The following RERE variants were observed in gnomAD, a reference collection of about 807,000 sequenced individuals.
RERE encodes the protein arginine-glutamic acid dipeptide repeats protein.
Under a neutral mutation model 146.1 loss-of-function variants are expected in RERE, and 40 were observed. That is an observed-to-expected ratio of 0.27 (90% CI 0.21 to 0.36). The LOEUF is 0.36. Among genes scored for constraint, RERE ranks in the 10% least tolerant of loss-of-function variants. The pLI is 1.00. For synonymous variants in RERE, 1,003 were observed against 866.0 expected (o/e 1.16, Z -2.78); for missense variants, 1,933 against 2,138.7 (o/e 0.90, Z 1.90).
At chr1:8,726,470 C>G (rs1397169651) in intron 1 of RERE, among the ~76,000 whole-genome samples, 1 of 151,966 alleles carries the variant, frequency 6.6e-6, no homozygotes, top group Non-Finnish European at 1.5e-5. Flanking sequence ...TCCAGTTTTT[C>G]TAAGACAGTA....
At chr1:8,515,087 A>G (rs1313798364) in intron 7 of RERE, among the ~76,000 whole-genome samples, 1 of 152,238 alleles carries the variant, frequency 6.6e-6, no homozygotes, top group African/African-American at 2.4e-5. Context: ...AAAGCAACAC[A>G]GCACTACACG....
At chr1:8,512,179 G>A (rs1056122753) in intron 7 of RERE, among the ~76,000 whole-genome samples, 53 of 148,748 alleles carry the variant, frequency 3.6e-4, no homozygotes, top group Non-Finnish European at 5.8e-4. Context: ...GACTACAGGC[G>A]CCCGCCACCG....
intron 1 of RERE, among the ~76,000 whole-genome samples, chr1:8,791,840 T>C (rs765413413): frequency 3.3e-5 from 5 of 152,124 alleles, no homozygotes; most frequent in Non-Finnish European, 5.9e-5. Flanking sequence ...AAGTAGAAAA[T>C]ACTAAGAAAA....
At chr1:8,798,577 C>T in intron 1 of RERE, 1 of 219,152 alleles carries the variant, frequency 4.6e-6, no homozygotes, top group Admixed American at 4.1e-5. Flanking sequence ...CTGATGATGG[C>T]ACCTCAGATC....
intron 8 of RERE, among the ~76,000 whole-genome samples, chr1:8,507,590 G>C (rs897080915): frequency 4.0e-5 from 6 of 151,822 alleles, no homozygotes; most frequent in African/African-American, 1.5e-4. Context: ...TCTATTTTTA[G>C]TAGGGATGGA....
chr1:8,753,368 C>T (rs1365437052), intron 1 of RERE: 1 of 151,994 alleles, frequency 6.6e-6, no homozygotes, highest in East Asian at 1.9e-4. Context: ...TTTAAGTTAA[C>T]GTTATTTTAC....
intron 4 of RERE, among the ~76,000 whole-genome samples, chr1:8,613,921 C>T (rs1233146082): frequency 1.3e-5 from 2 of 152,176 alleles, no homozygotes; most frequent in African/African-American, 4.8e-5. Context: ...CCCCTATGAT[C>T]ACCCACATGG....
chr1:8,636,545 CAATAAT>C (rs1647103841), intron 2 of RERE, among the ~76,000 whole-genome samples: 1 of 150,754 alleles, frequency 6.6e-6, no homozygotes, highest in Non-Finnish European at 1.5e-5. Context: ...AACAAAGAAG[CAATAAT>C]AATAATAACA....
intron 1 of RERE, among the ~76,000 whole-genome samples, chr1:8,746,366 C>A (rs552607428): frequency 6.6e-6 from 1 of 152,222 alleles, no homozygotes; most frequent in African/African-American, 2.4e-5. Flanking sequence ...GCTCACCATA[C>A]TAAATCCTCC....
At chr1:8,442,386 TAAAAA>T (rs1322977351) in intron 11 of RERE, among the ~76,000 whole-genome samples, 1 of 109,316 alleles carries the variant, frequency 9.1e-6, no homozygotes, top group African/African-American at 3.4e-5. Context: ...GACTCCATCT[TAAAAA>T]AAAAAAAAAA....
chr1:8,788,306 A>G (rs1487185028), intron 1 of RERE, among the ~76,000 whole-genome samples: 5 of 151,910 alleles, frequency 3.3e-5, no homozygotes, highest in Non-Finnish European at 7.4e-5. Context: ...TAATATAGTA[A>G]TTTTTAATAT....
Position 8,774,945 on chromosome 1 carries a change from TTCTTTC to T in RERE, c.-145+42209_-145+42214del, listed in dbSNP as rs1557535285. ...AGCCTTTCATAGTAGCATTTCTTCT[TTCTTTC>T]TTTTTTTTTTTTTTTTTTTTTTTTT... On this transcript the variant is annotated intron_variant, in intron 1 of 22. Transcript: ENST00000400908. Among the ~76,000 whole-genome samples the T allele has an allele frequency of 5.1e-5, 4 of 78,312 alleles. 1 individual carries two copies. Among genetic ancestry groups the T allele is most frequent in the Non-Finnish European group, 7.7e-5 (3 of 38,898 alleles). The allele number at this position is 78,312 out of a possible 152,430, so 51.4% of individuals were successfully genotyped here.
intron 3 of RERE, among the ~76,000 whole-genome samples, chr1:8,615,861 T>C (rs1287674018): frequency 3.9e-5 from 6 of 152,074 alleles, no homozygotes; most frequent in Non-Finnish European, 1.5e-5. Context: ...ATCATGATCA[T>C]TTTCTTTTCT....
intron 3 of RERE, among the ~76,000 whole-genome samples, chr1:8,616,992 C>T (rs1358737218): frequency 6.6e-6 from 1 of 152,146 alleles, no homozygotes; most frequent in Non-Finnish European, 1.5e-5. Context: ...ATAATTGTGG[C>T]GGGAGGGGAG....
chr1:8,754,385 AAAG>A (rs1434648186), intron 1 of RERE, among the ~76,000 whole-genome samples: 2 of 152,194 alleles, frequency 1.3e-5, no homozygotes, highest in Non-Finnish European at 2.9e-5. Context: ...CCAGCATATG[AAAG>A]AAGGTTAATA....
intron 1 of RERE, among the ~76,000 whole-genome samples, chr1:8,785,341 A>C (rs1641240414): frequency 6.6e-6 from 1 of 152,256 alleles, no homozygotes; most frequent in African/African-American, 2.4e-5. Flanking sequence ...GTCTAGGCTA[A>C]TACAATCACA....
chr1:8,594,232 G>C (rs1162144197), intron 4 of RERE, among the ~76,000 whole-genome samples: 1 of 152,144 alleles, frequency 6.6e-6, no homozygotes, highest in Admixed American at 6.5e-5. Flanking sequence ...AACACAGCCA[G>C]CAAGTATAGA....
Position 8,766,592 on chromosome 1 carries a change from C to T in RERE, c.-145+50568G>A, listed in dbSNP as rs1284483. ...AAGAAAAAAAAGAGAGAGAGAGAGA[C>T]AGTGGCCTGAACTAGCGTAATGGAT... On this transcript the variant is annotated intron_variant, in intron 1 of 22. Coordinates refer to ENST00000400908, the MANE Select transcript of RERE (RefSeq NM_001042681.2). Among the ~76,000 whole-genome samples, 1,286 of 147,522 alleles carry T rather than the reference C, an allele frequency of 8.7e-3. 11 individuals are homozygous for T. Among genetic ancestry groups the T allele is most frequent in the Middle Eastern group, 0.018 (5 of 280 alleles).
intron 12 of RERE, among the ~76,000 whole-genome samples, chr1:8,386,145 TATATCCCA>T (rs1642675261): frequency 2.0e-5 from 3 of 148,670 alleles, no homozygotes; most frequent in Admixed American, 2.0e-4. Flanking sequence ...CATGAATACT[TATATCCCA>T]ACTGTTCAAA....
Sources: gnomAD v4.1 joint callset for allele counts (sites outside exome capture counted in the v4.1 genomes callset) on GRCh38, gnomAD v4.1.1 for gene constraint, MANE v1.5 for transcripts, NCBI Gene and HGNC (gene_info 2026-07-23, HGNC 2026-07-21) for gene names.